The following CELF1 variants were observed in gnomAD, a reference collection of about 807,000 sequenced individuals.
The protein encoded by CELF1 is 50 kDa nuclear polyadenylated RNA-binding protein.
CELF1 carries 10 observed loss-of-function variants against 61.8 expected under a neutral mutation model. That is an observed-to-expected ratio of 0.16 (90% CI 0.10 to 0.27). The LOEUF is 0.27. CELF1 is among the 10% of genes least tolerant of loss of function. The pLI, the probability that CELF1 is intolerant of heterozygous loss-of-function variation, is 1.00. For missense variants in CELF1, 380 were observed against 639.1 expected, an observed-to-expected ratio of 0.59 and a Z score of 4.37; for synonymous variants, 236 against 225.1, an observed-to-expected ratio of 1.05 and a Z score of -0.43.
chr11:47,477,171 T>C (rs2080629082), intron 11 of CELF1, 126 bp downstream of exon 11: 2 of 1,100,968 alleles, frequency 1.8e-6, no homozygotes, highest in African/African-American at 1.6e-5. Flanking sequence ...ATTTGAAAAT[T>C]TGTTGCTCAT....
chr11:47,476,267 T>C (rs772996546), intron 12 of CELF1, among the ~76,000 whole-genome samples: 2 of 152,134 alleles, frequency 1.3e-5, no homozygotes, highest in East Asian at 1.9e-4. Flanking sequence ...GCTGGGACTA[T>C]AGGTATGAGC....
rs886134989 is a variant in CELF1 at position 47,468,150 on chromosome 11, G to C, written c.*4080C>G. On this transcript the variant is annotated 3_prime_UTR_variant, in exon 15 of 15. Transcript: ENST00000687097. ...TGGAGACTGTTGGAACAAGCATGGGGCTGAGGGGAAGGGGCAGGCGGGATA... is the reference window on the plus strand; with the variant it reads ...TGGAGACTGTTGGAACAAGCATGGGCCTGAGGGGAAGGGGCAGGCGGGATA... The C allele has an allele frequency of 2.6e-5, 4 of 152,210 alleles. No homozygotes were observed. The highest frequency in any genetic ancestry group is 4.4e-5 in the Non-Finnish European group (3 of 68,060). The allele number at this position is 152,210 out of a possible 1,614,324, so 9.4% of individuals were successfully genotyped here.
At chr11:47,503,294 T>C (rs1031802754) in intron 1 of CELF1, among the ~76,000 whole-genome samples, 15 of 152,142 alleles carry the variant, frequency 9.9e-5, no homozygotes, top group Admixed American at 5.2e-4. Flanking sequence ...GCCAAAAGGA[T>C]GAAAAAGCAA....
chr11:47,508,874 A>C (rs1285004075), intron 1 of CELF1, among the ~76,000 whole-genome samples: 3 of 152,056 alleles, frequency 2.0e-5, no homozygotes, highest in Non-Finnish European at 2.9e-5. Flanking sequence ...AGGTTTAAGC[A>C]ATCCTTTGCC....
At chr11:47,489,932 C>CTT (rs530410346) in intron 3 of CELF1, among the ~76,000 whole-genome samples, 3 of 23,468 alleles carry the variant, frequency 1.3e-4, no homozygotes, top group Non-Finnish European at 2.7e-4. Context: ...AACATACCAT[C>CTT]TTGTTTTTTT....
At chr11:47,472,829 A>C (rs2078264605) in intron 14 of CELF1, among the ~76,000 whole-genome samples, 1 of 152,212 alleles carries the variant, frequency 6.6e-6, no homozygotes, top group Non-Finnish European at 1.5e-5. Flanking sequence ...TACAGGCACA[A>C]ACCTGGACTG....
intron 1 of CELF1, among the ~76,000 whole-genome samples, chr11:47,517,260 G>GAAAAAAAAAAAAAAAAAAAA (rs57071560): frequency 3.9e-5 from 3 of 76,992 alleles, no homozygotes; most frequent in Non-Finnish European, 6.3e-5. Flanking sequence ...AACAAACAGA[G>GAAAAAAAAAAAAAAAAAAAA]AAAAAAAAAA....
chr11:47,507,853 G>A (rs1000190726), intron 1 of CELF1, among the ~76,000 whole-genome samples: 1 of 151,898 alleles, frequency 6.6e-6, no homozygotes, highest in Non-Finnish European at 1.5e-5. Context: ...TTCCAATTTT[G>A]CTAATAAAGT....
At chr11:47,492,519 C>A (rs1278447689) in intron 3 of CELF1, among the ~76,000 whole-genome samples, 1 of 152,164 alleles carries the variant, frequency 6.6e-6, no homozygotes, top group African/African-American at 2.4e-5. Context: ...CACTTGAGGT[C>A]AGGAGTTCGA....
At chr11:47,558,589 T>TTTTATATAAATATATATATTTA (rs2097214281) in intron 2 of CELF1, among the ~76,000 whole-genome samples, 1 of 110,736 alleles carries the variant, frequency 9.0e-6, no homozygotes, top group Non-Finnish European at 1.7e-5. Flanking sequence ...ATATATATAT[T>TTTTATATAAATATATATATTTA]TATATTATAT....
At chr11:47,485,270 T>G (rs1413660131) in intron 6 of CELF1, among the ~76,000 whole-genome samples, 3 of 152,080 alleles carry the variant, frequency 2.0e-5, no homozygotes, top group African/African-American at 7.2e-5. Context: ...AGCCTTGACC[T>G]GCCGGGTTTA....
intron 2 of CELF1, among the ~76,000 whole-genome samples, chr11:47,558,531 ATAT>A (rs1565921441): frequency 1.7e-5 from 2 of 117,240 alleles, no homozygotes; most frequent in African/African-American, 7.0e-5. Flanking sequence ...GTATATGTAT[ATAT>A]TTATATATTT....
At chr11:47,543,099 G>C (rs964640405) in intron 1 of CELF1, among the ~76,000 whole-genome samples, 3 of 151,650 alleles carry the variant, frequency 2.0e-5, no homozygotes, top group Non-Finnish European at 4.4e-5. Flanking sequence ...AACAAAGAGA[G>C]ATCCTGTCTC....
intron 1 of CELF1, among the ~76,000 whole-genome samples, chr11:47,539,884 C>T (rs891263662): frequency 1.3e-5 from 2 of 152,170 alleles, no homozygotes; most frequent in African/African-American, 2.4e-5. Context: ...TCCACCTGTA[C>T]GAGCCTGAAC....
intron 2 of CELF1, among the ~76,000 whole-genome samples, chr11:47,562,485 CACCAT>C: frequency 7.8e-6 from 1 of 128,514 alleles, no homozygotes; most frequent in South Asian, 2.7e-4. Flanking sequence ...GCTAAGATCA[CACCAT>C]TGCACTCCAG....
chr11:47,506,608 T>C lies in CELF1; in HGVS notation c.-153-5676A>G, dbSNP rs552126671. On this transcript the variant is annotated intron_variant, in intron 1 of 14. Transcript: ENST00000687097. ...CGCTCACCGCAACAGCTGTAAGAAC[T>C]AGGAAGCAGCTAGTTTTAGTGGGAG... Among the ~76,000 whole-genome samples, 10 of 152,246 alleles carry C rather than the reference T, an allele frequency of 6.6e-5. No homozygotes were observed. In the East Asian group the frequency reaches 1.3e-3, roughly 21 times the overall value.
intron 1 of CELF1, among the ~76,000 whole-genome samples, chr11:47,526,392 T>C (rs2096244571): frequency 6.6e-6 from 1 of 152,228 alleles, no homozygotes; most frequent in South Asian, 2.1e-4. Flanking sequence ...AGATGATTTC[T>C]AAGATCCCTC....
chr11:47,542,329 C>A (rs2096830155), intron 1 of CELF1, among the ~76,000 whole-genome samples: 1 of 152,114 alleles, frequency 6.6e-6, no homozygotes, highest in Non-Finnish European at 1.5e-5. Flanking sequence ...GATCGCACCA[C>A]TGCACTCCAC....
At chr11:47,510,806 A>T (rs2095076618) in intron 1 of CELF1, among the ~76,000 whole-genome samples, 1 of 152,106 alleles carries the variant, frequency 6.6e-6, no homozygotes, top group Non-Finnish European at 1.5e-5. Context: ...CTTAACTAAC[A>T]ACTGTTAGTA....
Sources: allele counts gnomAD v4.1 joint callset (sites outside exome capture counted in the v4.1 genomes callset), GRCh38; gene constraint gnomAD v4.1.1; transcripts MANE v1.5; gene names NCBI Gene and HGNC (gene_info 2026-07-23, HGNC 2026-07-21).